The following FAM120B variants were observed in gnomAD, a reference collection of about 807,000 sequenced individuals.
FAM120B encodes constitutive coactivator of peroxisome proliferator-activated receptor gamma.
FAM120B carries 83 observed loss-of-function variants against 96.3 expected under a neutral mutation model. That is an observed-to-expected ratio of 0.86 (90% CI 0.72 to 1.03). The LOEUF (loss-of-function observed/expected upper bound fraction) is 1.03. Ranked by LOEUF, FAM120B falls within the 50% of genes least tolerant of loss-of-function variation. The probability of loss-of-function intolerance (pLI) is 0.00; values close to 1 mark genes in which losing one functional copy is unlikely to be tolerated. For synonymous variants in FAM120B, 407 were observed against 402.7 expected, an observed-to-expected ratio of 1.01 and a Z score of -0.13; for missense variants, 1,027 against 1,121.2, an observed-to-expected ratio of 0.92 and a Z score of 1.20.
intron 9 of FAM120B, among the ~76,000 whole-genome samples, chr6:170,400,443 T>C (rs1366031518): frequency 6.6e-6 from 1 of 152,152 alleles, no homozygotes; most frequent in Non-Finnish European, 1.5e-5. Context: ...TTTATTTCTT[T>C]CATTTTCTTC....
chr6:170,394,432 C>T (rs1790618885), intron 8 of FAM120B, among the ~76,000 whole-genome samples: 1 of 152,084 alleles, frequency 6.6e-6, no homozygotes, highest in Non-Finnish European at 1.5e-5. Flanking sequence ...AGCACAAGGC[C>T]ACGCCTCCGT....
intron 9 of FAM120B, chr6:170,404,157 C>T (rs577080214): frequency 1.0e-4 from 18 of 176,712 alleles, no homozygotes; most frequent in Non-Finnish European, 2.0e-4. Flanking sequence ...AGTAGCCACC[C>T]AGGCTGGGCC....
intron 4 of FAM120B, among the ~76,000 whole-genome samples, chr6:170,342,676 A>C (rs1051975503): frequency 6.6e-6 from 1 of 152,214 alleles, no homozygotes; most frequent in Admixed American, 6.5e-5. Context: ...TCCCTCCTGA[A>C]AAGACCCTGA....
intron 5 of FAM120B, among the ~76,000 whole-genome samples, chr6:170,356,603 G>A (rs575636857): frequency 1.3e-5 from 2 of 152,264 alleles, no homozygotes; most frequent in East Asian, 3.9e-4. Context: ...GCATCCTCAA[G>A]TCCTGCGGTC....
rs1339490783 is a variant in FAM120B, at chr6:170,317,849, G to A, written c.459G>A (p.Leu153=). ...FALKTLGQET[L]CSLQEADYEV... ...TAAAGACACTGGGCCAGGAAACTTT[G>A]TGTTCTTTGCAGGAAGCAGATTATG... Residue 153 remains leucine, a synonymous_variant, in exon 2 of 11, where the codon TTG becomes TTA. Coordinates refer to ENST00000476287, the MANE Select transcript of FAM120B (RefSeq NM_032448.3). 6.2e-7 allele frequency: 1 copy of A among 1,614,228 alleles called. No individual in the cohort carries two copies. Among genetic ancestry groups the A allele is most frequent in the African/African-American group, 1.3e-5 (1 of 75,056 alleles).
intron 6 of FAM120B, among the ~76,000 whole-genome samples, chr6:170,367,174 AT>A (rs1434878849): frequency 1.3e-5 from 2 of 152,210 alleles, no homozygotes; most frequent in Admixed American, 1.3e-4. Flanking sequence ...TCCAAATGAT[AT>A]TTTTATTTTG....
chr6:170,376,130 T>G (rs1357697460), intron 6 of FAM120B, among the ~76,000 whole-genome samples: 3 of 152,124 alleles, frequency 2.0e-5, no homozygotes, highest in African/African-American at 7.2e-5. Flanking sequence ...CTCATCATTA[T>G]TACAGCATGA....
chr6:170,324,752 A>G (rs1050600070), intron 3 of FAM120B, among the ~76,000 whole-genome samples: 12 of 152,114 alleles, frequency 7.9e-5, no homozygotes, highest in African/African-American at 2.9e-4. Flanking sequence ...TTCTCCCTCA[A>G]CTTTTTGGCT....
chr6:170,390,902 G>A (rs549838052), intron 7 of FAM120B, 111 bp from the exon 8 acceptor site: 84 of 825,672 alleles, frequency 1.0e-4, no homozygotes, highest in Non-Finnish European at 1.6e-4. Context: ...TTGCTGCCTC[G>A]CCTTGGGAAC....
chr6:170,392,014 A>G (rs1360920585), intron 8 of FAM120B, among the ~76,000 whole-genome samples: 1 of 151,810 alleles, frequency 6.6e-6, no homozygotes, highest in Admixed American at 6.6e-5. Flanking sequence ...GGGTATTTCC[A>G]TTTTTTTCTC....
At chr6:170,377,456 G>A (rs1451508535) in intron 6 of FAM120B, among the ~76,000 whole-genome samples, 1 of 17,906 alleles carries the variant, frequency 5.6e-5, no homozygotes, top group Non-Finnish European at 1.2e-4. Context: ...CACGCTGCTC[G>A]GTGCTGTGCA....
At chr6:170,345,667 C>T (rs1787131586) in intron 4 of FAM120B, among the ~76,000 whole-genome samples, 1 of 152,224 alleles carries the variant, frequency 6.6e-6, no homozygotes, top group African/African-American at 2.4e-5. Flanking sequence ...TGTTGGTAAA[C>T]AATTGATGGA....
At chr6:170,384,695 G>A (rs896458705) in intron 6 of FAM120B, among the ~76,000 whole-genome samples, 1 of 152,232 alleles carries the variant, frequency 6.6e-6, no homozygotes, top group Non-Finnish European at 1.5e-5. Context: ...ACAGTGGGAC[G>A]TGTGAGCACA....
intron 6 of FAM120B, among the ~76,000 whole-genome samples, chr6:170,378,640 C>T (rs1368557999): frequency 6.6e-6 from 1 of 152,106 alleles, no homozygotes; most frequent in Non-Finnish European, 1.5e-5. Flanking sequence ...CACATTCTAG[C>T]AGGGGAAATG....
At chr6:170,299,427 A>G (rs986573030) in intron 1 of FAM120B, among the ~76,000 whole-genome samples, 2 of 152,176 alleles carry the variant, frequency 1.3e-5, no homozygotes, top group African/African-American at 4.8e-5. Flanking sequence ...AGAGATTATG[A>G]TCAGAGTATT....
chr6:170,339,460 A>G (rs890026454), intron 4 of FAM120B, among the ~76,000 whole-genome samples: 2 of 151,720 alleles, frequency 1.3e-5, no homozygotes, highest in Non-Finnish European at 2.9e-5. Flanking sequence ...AAAAAAAAAG[A>G]GGGAAAGAAA....
chr6:170,313,427 A>G (rs191630294), intron 1 of FAM120B, among the ~76,000 whole-genome samples: 97 of 152,288 alleles, frequency 6.4e-4, no homozygotes, highest in Non-Finnish European at 1.2e-3. Flanking sequence ...AAGAAAAATT[A>G]CTTTGTACTT....
At chr6:170,348,009 T>C in intron 4 of FAM120B, 142 bp from the exon 5 acceptor site, 1 of 644,452 alleles carries the variant, frequency 1.6e-6, no homozygotes, top group South Asian at 2.7e-5. Flanking sequence ...AGAAAATCAC[T>C]AATCTGATCA....
chr6:170,398,400 G>C (rs1196244184), intron 9 of FAM120B, among the ~76,000 whole-genome samples: 1 of 152,172 alleles, frequency 6.6e-6, no homozygotes, highest in Non-Finnish European at 1.5e-5. Context: ...GAGTGGGGAA[G>C]GTAGAACTAT....
Sources: gnomAD v4.1 joint callset for allele counts (sites outside exome capture counted in the v4.1 genomes callset) on GRCh38, gnomAD v4.1.1 for gene constraint, MANE v1.5 for transcripts, NCBI Gene and HGNC (gene_info 2026-07-23, HGNC 2026-07-21) for gene names.